The following DDX25 variants were observed in gnomAD, a reference collection of about 807,000 sequenced individuals.
DDX25 encodes the protein ATP-dependent RNA helicase DDX25.
A neutral mutation model predicts 64.6 loss-of-function variants in DDX25; 70 were observed. That is an observed-to-expected ratio of 1.08 (90% CI 0.89 to 1.32). The LOEUF is 1.32. Among genes scored for constraint, DDX25 ranks in the 40% most tolerant of loss-of-function variants. DDX25 has a pLI of 0.00. For missense variants in DDX25, 587 were observed against 604.4 expected, an observed-to-expected ratio of 0.97 and a Z score of 0.30; for synonymous variants, 211 against 213.3, an observed-to-expected ratio of 0.99 and a Z score of 0.09.
intron 6 of DDX25, 126 bp from the exon 7 acceptor site, chr11:125,910,237 AT>A: frequency 4.3e-6 from 3 of 700,464 alleles, no homozygotes; most frequent in Non-Finnish European, 7.3e-6. Context: ...AATTAAAAAT[AT>A]TTCATTCAAC....
At chr11:125,918,522 C>G (rs1945068451) in intron 9 of DDX25, 106 bp from the exon 10 acceptor site, 1 of 1,438,108 alleles carries the variant, frequency 7.0e-7, no homozygotes. Flanking sequence ...CTCAACTCCT[C>G]TGCAGCCCTC....
chr11:125,920,700 G>A (rs1945098452), intron 10 of DDX25, among the ~76,000 whole-genome samples: 1 of 152,180 alleles, frequency 6.6e-6, no homozygotes, highest in Non-Finnish European at 1.5e-5. Flanking sequence ...GGGGAAGAGA[G>A]TGGTGAGAAA....
Position 125,917,269 on chromosome 11 carries a change from G to C in DDX25, c.1038+18G>C, listed in dbSNP as rs1003612496. On this transcript the variant is annotated intron_variant, in intron 9 of 11. Coordinates refer to ENST00000263576, the MANE Select transcript of DDX25 (RefSeq NM_013264.5). Reference sequence around the variant, plus strand: ...TCTGCCAGGTACACTCTGTGGATGTGTCTTCATCGAGCCCAGATATGCCTA... The same window carrying C: ...TCTGCCAGGTACACTCTGTGGATGTCTCTTCATCGAGCCCAGATATGCCTA... 35 of 1,578,614 alleles carry C rather than the reference G, an allele frequency of 2.2e-5. No homozygotes were observed. The highest frequency in any genetic ancestry group is 2.9e-5 in the Non-Finnish European group (34 of 1,162,228).
Position 125,921,126 on chromosome 11 carries a change from G to T in DDX25, c.1202-65G>T, listed in dbSNP as rs1017228808. 1.4e-6 allele frequency: 2 copies of T among 1,444,380 alleles called. No homozygotes were observed. The highest frequency in any genetic ancestry group is 2.8e-5 in the African/African-American group (2 of 70,348). The allele number at this position is 1,444,380 out of a possible 1,614,324, so 89.5% of individuals were successfully genotyped here. On this transcript the variant is annotated intron_variant, in intron 10 of 11. Transcript: ENST00000263576. This position sits in a 1 kb window ranked among gnomAD's most constrained non-coding sequence, Gnocchi z 4.1. Reference sequence around the variant, plus strand: ...AATAGGAATTCCCTTGGCAGACGTGGTACTTGAATGGCCCGTGTACTGAGG... The same window carrying T: ...AATAGGAATTCCCTTGGCAGACGTGTTACTTGAATGGCCCGTGTACTGAGG...
chr11:125,917,912 T>C (rs1370399582), intron 9 of DDX25, among the ~76,000 whole-genome samples: 1 of 152,214 alleles, frequency 6.6e-6, no homozygotes, highest in Non-Finnish European at 1.5e-5. Flanking sequence ...AGAGTCTCGC[T>C]CTGTTGCCCA....
intron 7 of DDX25, among the ~76,000 whole-genome samples, chr11:125,911,097 T>G (rs1172425819): frequency 1.3e-5 from 2 of 152,198 alleles, no homozygotes; most frequent in Non-Finnish European, 2.9e-5. Context: ...GTTTTCTGTT[T>G]GGGGAAGTGC....
intron 9 of DDX25, 43 bp from the exon 10 acceptor site, chr11:125,918,585 C>T (rs1465224851): frequency 1.3e-6 from 2 of 1,581,256 alleles, no homozygotes; most frequent in Non-Finnish European, 1.7e-6. Flanking sequence ...GGCTGCTTTG[C>T]TTAATCTTGG....
At chr11:125,906,398 C>T (rs865852394) in intron 4 of DDX25, among the ~76,000 whole-genome samples, 189 bp downstream of exon 4, 2 of 151,886 alleles carry the variant, frequency 1.3e-5, no homozygotes, top group Non-Finnish European at 2.9e-5. Flanking sequence ...CGGCTCACTG[C>T]TCTACCTTAC....
intron 1 of DDX25, 147 bp from the exon 2 acceptor site, chr11:125,905,065 A>G (rs1944864175): frequency 1.4e-6 from 1 of 693,782 alleles, no homozygotes; most frequent in South Asian, 1.9e-5. Context: ...CCCAACCTTG[A>G]AAGGAATCTG....
At chr11:125,905,724 A>C in intron 3 of DDX25, 127 bp downstream of exon 3, 1 of 960,044 alleles carries the variant, frequency 1.0e-6, no homozygotes, top group African/African-American at 1.6e-5. Context: ...TCTTATAGTG[A>C]CTATCAGGAG....
chr11:125,928,765 T>G lies in DDX25; in HGVS notation c.*5884T>G, dbSNP rs1317405871. 6.6e-6 allele frequency: 1 copy of G among 152,232 alleles called. No individual in the cohort carries two copies. Among genetic ancestry groups the G allele is most frequent in the Non-Finnish European group, 1.5e-5 (1 of 68,020 alleles). 9.4% of individuals were successfully genotyped at this position (152,232 alleles called of 1,614,324 possible). On this transcript the variant is annotated 3_prime_UTR_variant, in exon 12 of 12. Transcript: ENST00000263576. ...TCTTGTGGGATGTTAATGGTTTCCT[T>G]GTCAAGTTGTGTGAAATATATGTGT... is the stretch of plus-strand genomic sequence containing the variant.
chr11:125,907,673 A>C (rs1469996984), intron 4 of DDX25, among the ~76,000 whole-genome samples: 2 of 152,088 alleles, frequency 1.3e-5, no homozygotes, highest in Non-Finnish European at 2.9e-5. Context: ...TTTTCTTAAG[A>C]CCCTCAGGAA....
chr11:125,922,570 C>G, intron 11 of DDX25: 1 of 395,398 alleles, frequency 2.5e-6, no homozygotes, highest in Non-Finnish European at 4.5e-6. Flanking sequence ...GCCTCAGTCC[C>G]TCCCAGGCTC....
chr11:125,911,278 C>T (rs554213602), intron 7 of DDX25, 33 bp from the exon 8 acceptor site: 17 of 1,576,836 alleles, frequency 1.1e-5, no homozygotes, highest in Non-Finnish European at 1.1e-5. Flanking sequence ...TTGTTTGCAT[C>T]TGAAGGAGTG....
chr11:125,920,965 A>G (rs1945105281), intron 10 of DDX25: 1 of 535,442 alleles, frequency 1.9e-6, no homozygotes, highest in Non-Finnish European at 3.3e-6. Context: ...CCTTGTGTAT[A>G]TTTACATTTC....
In DDX25 at chr11:125,904,511, C is replaced by A. The variant is rs987103229; in HGVS notation, c.-7C>A. 4.7e-6 allele frequency: 7 copies of A among 1,485,518 alleles called. No homozygotes were observed. In the African/African-American group the frequency reaches 7.1e-5, roughly 15 times the overall value. The allele number at this position is 1,485,518 out of a possible 1,614,324, so 92.0% of individuals were successfully genotyped here. A position where few individuals can be genotyped will look rare whatever the true frequency, so the allele number is the denominator to read the frequency against. On this transcript the variant is annotated 5_prime_UTR_variant, in exon 1 of 12. Transcript: ENST00000263576. ...ACGTGCTGGGGGCGGGAGCAGCAAT[C>A]GCAGCCATGGCGTCGTTACTGTGGG...
At position 125,919,343 on chromosome 11, in the gene DDX25, GT is replaced by G. The variant is rs372807211; in HGVS notation, c.1201+556del. On this transcript the variant is annotated intron_variant, in intron 10 of 11. Transcript: ENST00000263576. ...TTGTTGGGCCCTATGATAGGTGTGC[GT>G]TTAGCTTTATAAGAAGCTGTAAAAC... Among the ~76,000 whole-genome samples, 27 of 152,230 alleles carry G rather than the reference GT, an allele frequency of 1.8e-4. 1 individual carries two copies. The East Asian group carries it at 4.8e-3, about 27-fold the overall frequency.
At chr11:125,906,743 C>T (rs1276346806) in intron 4 of DDX25, among the ~76,000 whole-genome samples, 4 of 146,554 alleles carry the variant, frequency 2.7e-5, no homozygotes, top group Non-Finnish European at 4.5e-5. Context: ...GGAGAATCGC[C>T]TGAACCCAGG....
upstream of DDX25, among the ~76,000 whole-genome samples, chr11:125,903,621 C>A (rs1944830942): frequency 6.6e-6 from 1 of 152,050 alleles, no homozygotes; most frequent in South Asian, 2.1e-4. Context: ...TGAGAGTGAC[C>A]GAACAGAGCG....
Sources: gnomAD v4.1 joint callset for allele counts (sites outside exome capture counted in the v4.1 genomes callset) on GRCh38, gnomAD v4.1.1 for gene constraint, Gnocchi (gnomAD v3.1) non-coding constraint, MANE v1.5 for transcripts, NCBI Gene and HGNC (gene_info 2026-07-23, HGNC 2026-07-21) for gene names.